The following SLC38A12 variants were observed in gnomAD, a reference collection of about 807,000 sequenced individuals.
The protein encoded by SLC38A12 is solute carrier family 38 member 12, also known as putative sodium-coupled neutral amino acid transporter 12.
chr17:74,809,190 T>C, the SLC38A12 span, among the ~76,000 whole-genome samples: 4 of 152,024 alleles, frequency 2.6e-5, no homozygotes, highest in Non-Finnish European at 5.9e-5. Flanking sequence ...AAAGGAAGTA[T>C]ATGGGTTTTT....
chr17:74,824,773 G>A, the SLC38A12 span, among the ~76,000 whole-genome samples: 4 of 152,154 alleles, frequency 2.6e-5, no homozygotes, highest in South Asian at 2.1e-4. Flanking sequence ...CTCTTCAGGC[G>A]TTTGTGGATG....
the SLC38A12 span, among the ~76,000 whole-genome samples, chr17:74,834,967 C>T: frequency 3.9e-5 from 6 of 152,204 alleles, no homozygotes; most frequent in Admixed American, 1.3e-4. Flanking sequence ...GGGAACACAG[C>T]CCCTTGTCCC....
the SLC38A12 span, among the ~76,000 whole-genome samples, chr17:74,796,403 T>C: frequency 6.6e-6 from 1 of 152,178 alleles, no homozygotes; most frequent in African/African-American, 2.4e-5. Context: ...ACTTGGCTGA[T>C]TTGGAGCAGG....
At chr17:74,795,649 C>G in the SLC38A12 span, 2 of 1,600,012 alleles carry the variant, frequency 1.2e-6, no homozygotes, top group Non-Finnish European at 1.7e-6. Context: ...GTCTGTGCCT[C>G]TGTGCCGCCT....
chr17:74,813,345 A>C, the SLC38A12 span, among the ~76,000 whole-genome samples: 6 of 152,310 alleles, frequency 3.9e-5, no homozygotes, highest in Admixed American at 3.9e-4. Context: ...ACTTGGTGCA[A>C]AGGGTAATTG....
At chr17:74,807,756 G>A in the SLC38A12 span, among the ~76,000 whole-genome samples, 4 of 152,218 alleles carry the variant, frequency 2.6e-5, no homozygotes, top group Admixed American at 6.5e-5. Context: ...GGACAGTGAC[G>A]GATTAGAGTA....
At chr17:74,780,885 T>C in the SLC38A12 span, among the ~76,000 whole-genome samples, 1 of 152,262 alleles carries the variant, frequency 6.6e-6, no homozygotes, top group East Asian at 1.9e-4. Flanking sequence ...TTCATTCATT[T>C]CTTTGTAAAG....
the SLC38A12 span, among the ~76,000 whole-genome samples, chr17:74,784,827 G>A: frequency 6.6e-6 from 1 of 152,142 alleles, no homozygotes; most frequent in African/African-American, 2.4e-5. Flanking sequence ...AATGGAAATG[G>A]GCTTTTTGGG....
the SLC38A12 span, chr17:74,837,436 G>A: frequency 2.0e-4 from 195 of 985,452 alleles, no homozygotes; most frequent in Non-Finnish European, 2.3e-4. Context: ...GAAAGGGACC[G>A]TCTGCTGCCC....
chr17:74,781,612 C>T, the SLC38A12 span, among the ~76,000 whole-genome samples: 204 of 152,200 alleles, frequency 1.3e-3, 1 homozygote, highest in Non-Finnish European at 2.1e-3. Context: ...TCTTTGCTTT[C>T]TCTTTACTTC....
At chr17:74,813,622 T>C in the SLC38A12 span, among the ~76,000 whole-genome samples, 1 of 152,186 alleles carries the variant, frequency 6.6e-6, no homozygotes, top group African/African-American at 2.4e-5. Context: ...TGCCTCAGCC[T>C]CCTCAGTAGC....
the SLC38A12 span, among the ~76,000 whole-genome samples, chr17:74,819,333 AAG>A: frequency 2.0e-5 from 3 of 152,196 alleles, no homozygotes; most frequent in Non-Finnish European, 2.9e-5. Flanking sequence ...GCAGTAAACT[AAG>A]AGTCAGAGAC....
At chr17:74,798,326 G>C in the SLC38A12 span, among the ~76,000 whole-genome samples, 1 of 152,182 alleles carries the variant, frequency 6.6e-6, no homozygotes, top group Non-Finnish European at 1.5e-5. Flanking sequence ...CACACACACG[G>C]TGAGAATCCT....
the SLC38A12 span, chr17:74,785,531 C>T: frequency 1.2e-6 from 2 of 1,614,206 alleles, no homozygotes; most frequent in East Asian, 4.5e-5. Flanking sequence ...GGCGCACTCA[C>T]CATGCCCAAG....
chr17:74,838,077 CAG>C, the SLC38A12 span: 6 of 985,896 alleles, frequency 6.1e-6, no homozygotes, highest in South Asian at 9.4e-5. Flanking sequence ...GTCTCAGGGT[CAG>C]GGGTGGGATT....
chr17:74,791,664 G>T, the SLC38A12 span, among the ~76,000 whole-genome samples: 1 of 152,240 alleles, frequency 6.6e-6, no homozygotes. Flanking sequence ...GGCAGAGGGC[G>T]CTAGGAGCCC....
the SLC38A12 span, among the ~76,000 whole-genome samples, chr17:74,793,600 C>A: frequency 6.6e-6 from 1 of 152,154 alleles, no homozygotes; most frequent in Non-Finnish European, 1.5e-5. Flanking sequence ...GGGCCAATGG[C>A]AGTTTATAAA....
chr17:74,790,824 T>C, the SLC38A12 span: 1 of 683,362 alleles, frequency 1.5e-6, no homozygotes, highest in South Asian at 1.9e-5. Flanking sequence ...GCAGGAAACA[T>C]TAGGAAAAGT....
the SLC38A12 span, among the ~76,000 whole-genome samples, chr17:74,835,517 C>T: frequency 1.3e-5 from 2 of 152,182 alleles, no homozygotes; most frequent in African/African-American, 4.8e-5. Context: ...GACCCTGTGT[C>T]CTGACCCAGC....
Sources: gnomAD v4.1 joint callset for allele counts (sites outside exome capture counted in the v4.1 genomes callset) on GRCh38, gnomAD v4.1.1 for gene constraint, MANE v1.5 for transcripts, NCBI Gene and HGNC (gene_info 2026-07-23, HGNC 2026-07-21) for gene names.